Variants in AGAP1 observed in about 807,000 individuals in gnomAD.
The protein encoded by AGAP1 is ArfGAP with GTPase domain, ankyrin repeat and PH domain 1.
AGAP1 carries 29 observed loss-of-function variants against 105.3 expected under a neutral mutation model. That is an observed-to-expected ratio of 0.28 (90% CI 0.21 to 0.38). AGAP1 has a LOEUF of 0.38. AGAP1 is among the 10% of genes least tolerant of loss of function. The probability of loss-of-function intolerance (pLI) is 1.00; values close to 1 mark genes in which losing one functional copy is unlikely to be tolerated. For missense variants in AGAP1, 998 were observed against 1,165.1 expected (o/e 0.86, Z 2.09); for synonymous variants, 509 against 485.9 (o/e 1.05, Z -0.63).
At chr2:235,818,052 C>G (rs1958561215) in intron 9 of AGAP1, among the ~76,000 whole-genome samples, 1 of 152,244 alleles carries the variant, frequency 6.6e-6, no homozygotes. Flanking sequence ...CCTCCTGGTT[C>G]AATCCGATCT....
chr2:235,783,158 T>A (rs967664133), intron 6 of AGAP1, among the ~76,000 whole-genome samples: 4 of 152,060 alleles, frequency 2.6e-5, no homozygotes, highest in Non-Finnish European at 4.4e-5. Context: ...CTTTGAACCA[T>A]GATGTCACCA....
At chr2:235,853,992 A>G (rs763662835) in intron 9 of AGAP1, among the ~76,000 whole-genome samples, 2 of 151,970 alleles carry the variant, frequency 1.3e-5, no homozygotes, top group African/African-American at 4.8e-5. Flanking sequence ...TGAAGCAAAT[A>G]TGGTAAATAT....
In AGAP1 at chr2:235,914,529, T is replaced by C. The variant is rs556262223; in HGVS notation, c.1324+5623T>C. Among the ~76,000 whole-genome samples, 28 of 152,182 alleles carry C rather than the reference T, an allele frequency of 1.8e-4. No homozygotes were observed. In the South Asian group the frequency reaches 5.8e-3, roughly 32 times the overall value. ...GCTCGGGGGTGGGGTATTCCTAGCA[T>C]TTGGGAAGTGATTTGCCTGTATTGA... is the stretch of plus-strand genomic sequence containing the variant. On this transcript the variant is annotated intron_variant, in intron 11 of 17. Transcript: ENST00000304032.
At chr2:235,854,775 C>T (rs1479246695) in intron 9 of AGAP1, among the ~76,000 whole-genome samples, 2 of 152,192 alleles carry the variant, frequency 1.3e-5, no homozygotes, top group Non-Finnish European at 2.9e-5. Flanking sequence ...GGCTGTTTCC[C>T]CTGGTTTCGC....
At position 236,049,277 on chromosome 2, in the gene AGAP1, A is replaced by C; in HGVS notation, c.2110A>C (p.Thr704Pro). 4 of 1,612,784 alleles carry C rather than the reference A, an allele frequency of 2.5e-6. No homozygotes were observed. Among genetic ancestry groups the C allele is most frequent in the Non-Finnish European group, 3.4e-6 (4 of 1,178,868 alleles). Reference protein sequence around the residue: ...QGRTKPSVDSTREEKERWIRA... With the variant: ...QGRTKPSVDSPREEKERWIRA... Reference sequence around the variant, plus strand: ...GCGGACGAAACCATCGGTAGACTCCACAAGGTAGGAACTTTGGAAGATGCC... The same window carrying C: ...GCGGACGAAACCATCGGTAGACTCCCCAAGGTAGGAACTTTGGAAGATGCC... The change falls in exon 16 of 18, where the codon ACA becomes CCA. Residue 704 changes from threonine (T) to proline (P), a missense_variant. Thr to Pro is a conservative substitution (Grantham distance 38). This residue lies in a region of AGAP1 where 235 missense variants were observed against 270.7 expected (regional missense o/e 0.87). Transcript: ENST00000304032.
intron 8 of AGAP1, among the ~76,000 whole-genome samples, chr2:235,804,869 G>A (rs748264858): frequency 7.9e-5 from 12 of 152,208 alleles, no homozygotes; most frequent in Non-Finnish European, 1.3e-4. Context: ...CCTGGCAGAC[G>A]CCGTGGGTGC....
intron 3 of AGAP1, among the ~76,000 whole-genome samples, chr2:235,731,604 T>C (rs1260923851): frequency 5.3e-5 from 8 of 152,206 alleles, no homozygotes; most frequent in Non-Finnish European, 4.4e-5. Flanking sequence ...GTTCATTGAA[T>C]TAGCGTTTCA....
In AGAP1 at chr2:235,809,286, G is replaced by A. The variant is rs547833624; in HGVS notation, c.1050+1955G>A. ...GAACTGACCATCAAGCGTAAAATGA[G>A]TATTATCCAGTCCTTGGATGCCTTT... is the stretch of plus-strand genomic sequence containing the variant. On this transcript the variant is annotated intron_variant, in intron 9 of 17. Transcript: ENST00000304032. Among the ~76,000 whole-genome samples, 346 of 152,298 alleles carry A rather than the reference G, an allele frequency of 2.3e-3. 3 individuals are homozygous for A. The highest frequency in any genetic ancestry group is 7.8e-3 in the African/African-American group (324 of 41,572).
intron 1 of AGAP1, among the ~76,000 whole-genome samples, chr2:235,607,464 A>G (rs1409654693): frequency 1.3e-5 from 2 of 152,242 alleles, no homozygotes; most frequent in Non-Finnish European, 2.9e-5. Context: ...AGCCCAGGGC[A>G]GGAGGAGCTG....
chr2:235,524,852 C>T (rs1418086721), intron 1 of AGAP1, among the ~76,000 whole-genome samples: 6 of 152,116 alleles, frequency 3.9e-5, no homozygotes, highest in Non-Finnish European at 5.9e-5. Flanking sequence ...CTTCTTGGGC[C>T]GATTGTTGGA....
In AGAP1 at chr2:235,773,722, A is replaced by C. The variant is rs116644275; in HGVS notation, c.673+23234A>C. On this transcript the variant is annotated intron_variant, in intron 6 of 17. Coordinates refer to ENST00000304032, the MANE Select transcript of AGAP1 (RefSeq NM_001037131.3). ...GGTTGGACCTGGGAATGGACTGGTG[A>C]GTCATGTCCTCTCCTATGGAAGTTT... The C allele has an allele frequency of 1.5e-3, 517 of 341,834 alleles. 1 individual carries two copies. The highest frequency in any genetic ancestry group is 0.01 in the African/African-American group (478 of 45,880). 21.2% of individuals were successfully genotyped at this position (341,834 alleles called of 1,614,324 possible).
intron 13 of AGAP1, among the ~76,000 whole-genome samples, chr2:236,026,798 C>T (rs1262370799): frequency 6.6e-6 from 1 of 152,126 alleles, no homozygotes; most frequent in Non-Finnish European, 1.5e-5. Flanking sequence ...AAGCTAGTTT[C>T]AAAAGGCCCA....
At chr2:236,065,505 C>T (rs2058322324) in intron 16 of AGAP1, among the ~76,000 whole-genome samples, 1 of 152,226 alleles carries the variant, frequency 6.6e-6, no homozygotes, top group South Asian at 2.1e-4. Context: ...GCTAACACTC[C>T]ATCAGGCTCT....
rs56379614 is a variant in AGAP1 at position 236,015,557 on chromosome 2, CT to C, written c.1646-20995del. ...TTTGAACAACATAATTATAAATTGCCTTTTTTTTTATGATTACAAATGTCAA... is the reference window on the plus strand; with the variant it reads ...TTTGAACAACATAATTATAAATTGCCTTTTTTTTATGATTACAAATGTCAA... On this transcript the variant is annotated intron_variant, in intron 13 of 17. Coordinates refer to ENST00000304032, the MANE Select transcript of AGAP1 (RefSeq NM_001037131.3). 2.4e-3 allele frequency among the ~76,000 whole-genome samples: 360 copies of C among 151,278 alleles called. 2 individuals carry two copies. The highest frequency in any genetic ancestry group is 7.9e-3 in the African/African-American group (325 of 41,184).
At chr2:236,049,382 C>A in intron 16 of AGAP1, 101 bp downstream of exon 16, 1 of 1,094,308 alleles carries the variant, frequency 9.1e-7, no homozygotes, top group East Asian at 2.5e-5. Context: ...GCCCTGATAA[C>A]CTGTAGGAAT....
chr2:235,966,903 C>T (rs1445649359), intron 12 of AGAP1, among the ~76,000 whole-genome samples: 2 of 152,144 alleles, frequency 1.3e-5, no homozygotes, highest in Non-Finnish European at 1.5e-5. Context: ...TCTCAGATAC[C>T]TTAAATTGTG....
intron 1 of AGAP1, among the ~76,000 whole-genome samples, chr2:235,687,184 C>T (rs942946340): frequency 2.6e-5 from 4 of 152,218 alleles, no homozygotes; most frequent in Non-Finnish European, 5.9e-5. Context: ...TTGTTCTCAA[C>T]AGAAGAATCT....
In AGAP1 at chr2:236,053,603, C is replaced by T. The variant is rs925220667; in HGVS notation, c.2114+4322C>T. Among the ~76,000 whole-genome samples the T allele has an allele frequency of 6.6e-6, 1 of 152,280 alleles. No individual in the cohort carries two copies. Among genetic ancestry groups the T allele is most frequent in the Admixed American group, 6.5e-5 (1 of 15,290 alleles). On this transcript the variant is annotated intron_variant, in intron 16 of 17. Coordinates refer to ENST00000304032, the MANE Select transcript of AGAP1 (RefSeq NM_001037131.3). This position sits in a 1 kb window ranked among gnomAD's most constrained non-coding sequence, Gnocchi z 4.6. ...GGCGCCACATTCCTCTTGGCAGAAG[C>T]CTCGCTCTGCGTGGCACTGCATCTC...
At position 235,719,019 on chromosome 2, in the gene AGAP1, G is replaced by C. The variant is rs187182614; in HGVS notation, c.310+1375G>C. On this transcript the variant is annotated intron_variant, in intron 3 of 17. Transcript: ENST00000304032. This position sits in a 1 kb window ranked among gnomAD's most constrained non-coding sequence, Gnocchi z 4.9. ...GAATCTTTTAGAGATTTTTCCTTTG[G>C]GTTTTCCACTTATTTTCAAGGGCTA... is the stretch of plus-strand genomic sequence containing the variant. 1.3e-5 allele frequency among the ~76,000 whole-genome samples: 2 copies of C among 152,188 alleles called. No individual in the cohort carries two copies. The highest frequency in any genetic ancestry group is 4.8e-5 in the African/African-American group (2 of 41,498).
Sources: allele counts gnomAD v4.1 joint callset (sites outside exome capture counted in the v4.1 genomes callset), GRCh38; gene constraint gnomAD v4.1.1; regional missense constraint gnomAD v4.1.1; non-coding constraint Gnocchi (gnomAD v3.1); transcripts MANE v1.5; gene names NCBI Gene and HGNC (gene_info 2026-07-23, HGNC 2026-07-21).